Variants in PSME4 observed in about 807,000 individuals in gnomAD.
PSME4 encodes the protein proteasome activator complex subunit 4.
Under a neutral mutation model 253.9 loss-of-function variants are expected in PSME4, and 89 were observed. That is an observed-to-expected ratio of 0.35 (90% CI 0.30 to 0.42). PSME4 has a LOEUF of 0.42. Ranked by LOEUF, PSME4 falls within the 10% of genes least tolerant of loss-of-function variation. PSME4 has a pLI of 1.00. For missense variants in PSME4, 2,014 were observed against 2,195.2 expected, an observed-to-expected ratio of 0.92 and a Z score of 1.65; for synonymous variants, 851 against 759.2, an observed-to-expected ratio of 1.12 and a Z score of -1.99.
intron 43 of PSME4, chr2:53,870,206 CT>C (rs1678802614): frequency 6.6e-6 from 1 of 152,134 alleles, no homozygotes. Flanking sequence ...ATGTTTTGCT[CT>C]GTTGTATTCC....
chr2:53,888,973 C>T (rs114959910), intron 37 of PSME4, among the ~76,000 whole-genome samples, 161 bp from the exon 38 acceptor site: 33 of 152,264 alleles, frequency 2.2e-4, no homozygotes, highest in Non-Finnish European at 4.3e-4. Context: ...TCAAGTAATC[C>T]ACCCGCCTCG....
At chr2:53,943,647 C>T (rs1669559940) in intron 3 of PSME4, among the ~76,000 whole-genome samples, 1 of 151,910 alleles carries the variant, frequency 6.6e-6, no homozygotes, top group South Asian at 2.1e-4. Context: ...TCAAGACCAG[C>T]CTGGCCAACA....
intron 3 of PSME4, among the ~76,000 whole-genome samples, chr2:53,941,512 G>T (rs13422941): frequency 2.6e-5 from 4 of 151,460 alleles, no homozygotes; most frequent in African/African-American, 9.7e-5. Flanking sequence ...TTTATTTCTG[G>T]GCACTTCCAA....
intron 20 of PSME4, among the ~76,000 whole-genome samples, chr2:53,912,877 G>A (rs1476841819): frequency 6.6e-6 from 1 of 152,300 alleles, no homozygotes; most frequent in Non-Finnish European, 1.5e-5. Context: ...TGCCCAGGAT[G>A]TAATCTGTGA....
intron 5 of PSME4, 30 bp from the exon 6 acceptor site, chr2:53,936,857 C>A: frequency 6.7e-7 from 1 of 1,499,042 alleles, no homozygotes; most frequent in Non-Finnish European, 9.1e-7. Context: ...TTATGAATAG[C>A]AAGTGATTTT....
Position 53,904,198 on chromosome 2 carries a change from A to G in PSME4, c.2944-42T>C. On this transcript the variant is annotated intron_variant, in intron 26 of 46. Transcript: ENST00000404125. ...TAACAAAGGACTTTTATTAAATAGT[A>G]AAGTACAAAGCAGTTTAAAACAAAT... is the stretch of plus-strand genomic sequence containing the variant. The G allele has an allele frequency of 1.9e-6, 3 of 1,558,176 alleles. 1 individual carries two copies. In the South Asian group the frequency reaches 3.5e-5, roughly 18 times the overall value.
chr2:53,940,467 C>T lies in PSME4; in HGVS notation c.501-467G>A, dbSNP rs114605917. Among the ~76,000 whole-genome samples the T allele has an allele frequency of 9.4e-3, 1,425 of 152,100 alleles. 26 individuals are homozygous for T. The highest frequency in any genetic ancestry group is 0.032 in the African/African-American group (1,340 of 41,486). On this transcript the variant is annotated intron_variant, in intron 3 of 46. Coordinates refer to ENST00000404125, the MANE Select transcript of PSME4 (RefSeq NM_014614.3). ...GATAACCCTCCCAGGCACTTTAAGG[C>T]CAGCAACAATTATCAAAAAGAACAA...
chr2:53,868,479 T>TC lies in PSME4; in HGVS notation c.5263+896_5263+897insG, dbSNP rs1227340927. ...AAAAATATATATTATAAAATATATT[T>TC]ATAATATATATATATATGATATATA... is the stretch of plus-strand genomic sequence containing the variant. On this transcript the variant is annotated intron_variant, in intron 44 of 46. Transcript: ENST00000404125. Among the ~76,000 whole-genome samples, 15 of 80,054 alleles carry TC rather than the reference T, an allele frequency of 1.9e-4. No individual in the cohort carries two copies. In the South Asian group the frequency reaches 8.1e-3, roughly 43 times the overall value. The allele number at this position is 80,054 out of a possible 152,430, so 52.5% of individuals were successfully genotyped here. A position where few individuals can be genotyped will look rare whatever the true frequency, so the allele number is the denominator to read the frequency against.
intron 1 of PSME4, among the ~76,000 whole-genome samples, chr2:53,966,845 G>A (rs1204072844): frequency 2.0e-5 from 3 of 152,036 alleles, no homozygotes; most frequent in South Asian, 2.1e-4. Context: ...GATTAAAGGC[G>A]TGCACCACCA....
chr2:53,967,649 CAAAAAAAAAAAAAAAAAAAAA>C (rs71408747), intron 1 of PSME4, among the ~76,000 whole-genome samples: 3 of 21,560 alleles, frequency 1.4e-4, no homozygotes, highest in South Asian at 4.8e-3. Flanking sequence ...GAGATTGTCT[CAAAAAAAAAAAAAAAAAAAAA>C]AAAAAAAAAG....
chr2:53,962,522 A>G (rs1025128507), intron 1 of PSME4, among the ~76,000 whole-genome samples: 2 of 152,222 alleles, frequency 1.3e-5, no homozygotes, highest in African/African-American at 4.8e-5. Context: ...AGTGACATTC[A>G]GATCTCAGAA....
At chr2:53,877,247 C>CAAAAA (rs1204678801) in intron 41 of PSME4, among the ~76,000 whole-genome samples, 2 of 50,376 alleles carry the variant, frequency 4.0e-5, no homozygotes, top group Admixed American at 4.8e-4. Flanking sequence ...CCTGCCTCTA[C>CAAAAA]AAAAAAAAAA....
intron 17 of PSME4, 43 bp from the exon 18 acceptor site, chr2:53,921,147 G>C: frequency 2.5e-6 from 4 of 1,608,070 alleles, no homozygotes; most frequent in Non-Finnish European, 3.4e-6. Context: ...TTGGTTAAAA[G>C]AACAAGAACC....
chr2:53,905,984 T>A (rs1680640163), intron 26 of PSME4, among the ~76,000 whole-genome samples: 1 of 152,194 alleles, frequency 6.6e-6, no homozygotes, highest in Non-Finnish European at 1.5e-5. Context: ...TTGAGCATCA[T>A]GTTGGTGCTC....
chr2:53,932,521 A>T (rs1349300493), intron 9 of PSME4, 147 bp downstream of exon 9: 2 of 674,610 alleles, frequency 3.0e-6, no homozygotes, highest in Non-Finnish European at 5.1e-6. Context: ...TCTCCCACAC[A>T]GTAATTTAAT....
At chr2:53,913,481 T>G (rs1667921407) in intron 20 of PSME4, among the ~76,000 whole-genome samples, 1 of 152,206 alleles carries the variant, frequency 6.6e-6, no homozygotes, top group African/African-American at 2.4e-5. Context: ...TAATATAAAA[T>G]TCTTCCTGTG....
intron 3 of PSME4, among the ~76,000 whole-genome samples, chr2:53,940,931 AC>A (rs1669378186): frequency 4.1e-5 from 4 of 97,316 alleles, no homozygotes; most frequent in African/African-American, 1.5e-4. Flanking sequence ...TATATATAAT[AC>A]ATATATAAAT....
chr2:53,935,474 T>C (rs1366835814), intron 7 of PSME4, among the ~76,000 whole-genome samples: 1 of 152,144 alleles, frequency 6.6e-6, no homozygotes, highest in Admixed American at 6.5e-5. Flanking sequence ...GCTCCACAGG[T>C]TATTCTACCA....
chr2:53,872,741 C>CAAAAAAAAAAAAAAAAAAA (rs61308177), intron 43 of PSME4, among the ~76,000 whole-genome samples: 1 of 48,004 alleles, frequency 2.1e-5, no homozygotes, highest in Non-Finnish European at 3.9e-5. Context: ...GACTTGGTCT[C>CAAAAAAAAAAAAAAAAAAA]AAAAAAAAAA....
Sources: allele counts gnomAD v4.1 joint callset (sites outside exome capture counted in the v4.1 genomes callset), GRCh38; gene constraint gnomAD v4.1.1; transcripts MANE v1.5; gene names NCBI Gene and HGNC (gene_info 2026-07-23, HGNC 2026-07-21).